ITGA2: variants seen among roughly 807,000 people sequenced by gnomAD.
ITGA2 encodes the protein integrin subunit alpha 2, also known as integrin alpha-2.
Under a neutral mutation model 146.3 loss-of-function variants are expected in ITGA2, and 101 were observed. The observed-to-expected ratio is 0.69, with a 90% CI of 0.59 to 0.81. ITGA2 has a LOEUF of 0.81. ITGA2 is among the 40% of genes least tolerant of loss of function. The pLI, the probability that ITGA2 is intolerant of heterozygous loss-of-function variation, is 0.00. For synonymous variants in ITGA2, 477 were observed against 487.1 expected (o/e 0.98, Z 0.27); for missense variants, 1,281 against 1,402.7 (o/e 0.91, Z 1.39).
At chr5:53,075,182 A>G (rs1745603482) in intron 22 of ITGA2, 39 bp from the exon 23 acceptor site, 1 of 1,605,580 alleles carries the variant, frequency 6.2e-7, no homozygotes, top group Non-Finnish European at 8.5e-7. Flanking sequence ...ATAGCTTTGT[A>G]TTTCTCTTTA....
Position 53,062,084 on chromosome 5 carries a change from T to C in ITGA2, c.1459-702T>C, listed in dbSNP as rs146477933. ...TGTTGAATGGGATGAAGGTTCAAAG[T>C]CTCAGCTTTTCTTATTTTAATTTAT... On this transcript the variant is annotated intron_variant, in intron 12 of 29. Coordinates refer to ENST00000296585, the MANE Select transcript of ITGA2 (RefSeq NM_002203.4). Among the ~76,000 whole-genome samples, 647 of 151,792 alleles carry C rather than the reference T, an allele frequency of 4.3e-3. 7 individuals carry two copies. Among genetic ancestry groups the C allele is most frequent in the African/African-American group, 0.015 (626 of 41,434 alleles).
At position 53,075,227 on chromosome 5, in the gene ITGA2, C is replaced by T. The variant is rs1224248710; in HGVS notation, c.2748C>T (p.Ser916=). Residue 916 remains serine (S), a synonymous_variant, in exon 23 of 30, where the codon AGC becomes AGT. Transcript: ENST00000296585. The part of the protein sequence containing the change: ...ASLSFQALSE[S]QEENKADNLV... Reference sequence around the variant, plus strand: ...CTAATGTTTCTTTCTATAGTGAAAGCCAAGAAGAAAACAAGGCTGATAATT... The same window carrying T: ...CTAATGTTTCTTTCTATAGTGAAAGTCAAGAAGAAAACAAGGCTGATAATT... 6.2e-7 allele frequency: 1 copy of T among 1,612,298 alleles called. No homozygotes were observed. Among genetic ancestry groups the T allele is most frequent in the East Asian group, 2.2e-5 (1 of 44,724 alleles).
At chr5:53,008,016 A>T (rs569017571) in intron 1 of ITGA2, among the ~76,000 whole-genome samples, 70 of 152,302 alleles carry the variant, frequency 4.6e-4, no homozygotes, top group Non-Finnish European at 9.4e-4. Flanking sequence ...GGACAGAATT[A>T]TCTTCAAAAC....
intron 3 of ITGA2, among the ~76,000 whole-genome samples, chr5:53,044,046 G>A (rs939493201): frequency 6.6e-6 from 1 of 151,782 alleles, no homozygotes; most frequent in Non-Finnish European, 1.5e-5. Context: ...AGGCCGAGGT[G>A]GGTAGATAGC....
chr5:53,036,040 C>T (rs1348366614), intron 2 of ITGA2, among the ~76,000 whole-genome samples: 1 of 145,520 alleles, frequency 6.9e-6, no homozygotes, highest in African/African-American at 2.6e-5. Context: ...CTGTCTTTGA[C>T]TCGTATTCAT....
chr5:53,074,371 T>G lies in ITGA2; in HGVS notation c.2572-14T>G, dbSNP rs1242973249. On this transcript the variant is annotated splice_polypyrimidine_tract_variant and intron_variant, in intron 20 of 29. Transcript: ENST00000296585. ...ATGCCAATTGATCATTGTTGTTTCC[T>G]TGGTCTTGTTCAGGTTGATGGGACA... 6.2e-7 allele frequency: 1 copy of G among 1,608,720 alleles called. No individual in the cohort carries two copies. Among genetic ancestry groups the G allele is most frequent in the South Asian group, 1.1e-5 (1 of 90,948 alleles).
At chr5:53,002,102 G>A (rs113033262) in intron 1 of ITGA2, among the ~76,000 whole-genome samples, 2 of 151,818 alleles carry the variant, frequency 1.3e-5, no homozygotes, top group East Asian at 3.9e-4. Flanking sequence ...TATTGATGTG[G>A]CATTTTAACT....
In ITGA2 at chr5:53,008,282, T is replaced by C. The variant is rs1471180176; in HGVS notation, c.65-18466T>C. On this transcript the variant is annotated intron_variant, in intron 1 of 29. Coordinates refer to ENST00000296585, the MANE Select transcript of ITGA2 (RefSeq NM_002203.4). ...ACATCACCTTTCCCTATGTGGGTAC[T>C]GAGAGAGAAAGATCTCTGGTGTCTC... is the stretch of plus-strand genomic sequence containing the variant. Among the ~76,000 whole-genome samples, 4 of 150,192 alleles carry C rather than the reference T, an allele frequency of 2.7e-5. No individual in the cohort carries two copies. The East Asian group carries it at 7.8e-4, about 29-fold the overall frequency.
At position 52,997,285 on chromosome 5, in the gene ITGA2, CATT is replaced by C. The variant is rs368459074; in HGVS notation, c.64+7759_64+7761del. ...GCAATTCTGTCAGCAAAGATTCCTG[CATT>C]ATTATCTTGTTCTGAAAAGGTGACT... On this transcript the variant is annotated intron_variant, in intron 1 of 29. Coordinates refer to ENST00000296585, the MANE Select transcript of ITGA2 (RefSeq NM_002203.4). Among the ~76,000 whole-genome samples, 178 of 152,272 alleles carry C rather than the reference CATT, an allele frequency of 1.2e-3. 2 individuals carry two copies. In the South Asian group the frequency reaches 0.027, roughly 23 times the overall value.
chr5:53,061,384 G>A (rs1744900590), intron 12 of ITGA2, among the ~76,000 whole-genome samples: 1 of 151,804 alleles, frequency 6.6e-6, no homozygotes, highest in African/African-American at 2.4e-5. Flanking sequence ...AATAATGCAT[G>A]GATATTATTT....
chr5:53,089,418 C>T (rs890759525), intron 28 of ITGA2: 1 of 155,604 alleles, frequency 6.4e-6, no homozygotes, highest in Non-Finnish European at 1.4e-5. Flanking sequence ...TGAAGGACAA[C>T]GTTCCCACTG....
intron 1 of ITGA2, among the ~76,000 whole-genome samples, chr5:53,010,336 G>C (rs562455245): frequency 6.6e-6 from 1 of 152,162 alleles, no homozygotes; most frequent in Non-Finnish European, 1.5e-5. Context: ...ACAGAGGCTC[G>C]AACAACAGAG....
At chr5:53,052,974 G>T (rs1401088294) in intron 7 of ITGA2, among the ~76,000 whole-genome samples, 1 of 152,032 alleles carries the variant, frequency 6.6e-6, no homozygotes, top group Non-Finnish European at 1.5e-5. Context: ...TTTTTATTTG[G>T]AGTGTTGGCT....
At chr5:53,042,325 T>G in intron 3 of ITGA2, 104 bp downstream of exon 3, 1 of 811,660 alleles carries the variant, frequency 1.2e-6, no homozygotes, top group East Asian at 2.6e-5. Context: ...CAGACAGCTT[T>G]TTTTTGCCCT....
At chr5:53,089,875 G>C (rs1242379431) in intron 28 of ITGA2, 71 bp from the exon 29 acceptor site, 50 of 899,952 alleles carry the variant, frequency 5.6e-5, no homozygotes, top group Non-Finnish European at 3.8e-6. Flanking sequence ...CAGAATTAGA[G>C]AATTGGACTA....
At position 53,048,586 on chromosome 5, in the gene ITGA2, G is replaced by A; in HGVS notation, c.503-57G>A. On this transcript the variant is annotated intron_variant, in intron 5 of 29. Transcript: ENST00000296585. ...CCCTCCTTAAGTCTCATTTTTATATGGCTGTGAAATATGACTTACCTGTGG... is the reference window on the plus strand; with the variant it reads ...CCCTCCTTAAGTCTCATTTTTATATAGCTGTGAAATATGACTTACCTGTGG... The A allele has an allele frequency of 1.3e-5, 21 of 1,613,114 alleles. No individual in the cohort carries two copies. The South Asian group carries it at 2.3e-4, about 18-fold the overall frequency.
rs748727832 is a variant in ITGA2, at chr5:53,042,092, TA to T, written c.186-12del. The T allele has an allele frequency of 9.1e-5, 129 of 1,425,214 alleles. No homozygotes were observed. The highest frequency in any genetic ancestry group is 1.1e-4 in the Non-Finnish European group (113 of 1,007,900). The allele number at this position is 1,425,214 out of a possible 1,614,324, so 88.3% of individuals were successfully genotyped here. The stretch of plus-strand genomic sequence containing the variant: ...ACTATACTTAACACTTTGTGTCTAA[TA>T]AAAAAAATGTGTTTCTAGGTTACTG... On this transcript the variant is annotated intron_variant, in intron 2 of 29. Coordinates refer to ENST00000296585, the MANE Select transcript of ITGA2 (RefSeq NM_002203.4).
intron 1 of ITGA2, among the ~76,000 whole-genome samples, chr5:53,018,289 T>C (rs1026219498): frequency 9.9e-5 from 15 of 152,190 alleles, no homozygotes; most frequent in African/African-American, 2.9e-4. Flanking sequence ...CCCCACTGGC[T>C]GGAGTCTGCC....
chr5:53,072,673 G>A lies in ITGA2; in HGVS notation c.2407G>A (p.Val803Ile). ...GLCISDLVLD[V>I]RQIPAAQEQP... ...TTGCATTTCTGATCTAGTCCTAGAT[G>A]TCCGACAAATACCAGCTGCTCAGTA... The change falls in exon 19 of 30, where the codon GTC becomes ATC. Residue 803 changes from valine (V) to isoleucine (I), a missense_variant. Physicochemically the swap from Val to Ile is conservative, Grantham distance 29. This residue lies in a region of ITGA2 where 475 missense variants were observed against 530.5 expected (regional missense o/e 0.90). Coordinates refer to ENST00000296585, the MANE Select transcript of ITGA2 (RefSeq NM_002203.4). The A allele has an allele frequency of 1.2e-6, 2 of 1,610,002 alleles. No homozygotes were observed. The highest frequency in any genetic ancestry group is 2.2e-5 in the East Asian group (1 of 44,674).
Sources: allele counts gnomAD v4.1 joint callset (sites outside exome capture counted in the v4.1 genomes callset), GRCh38; gene constraint gnomAD v4.1.1; regional missense constraint gnomAD v4.1.1; transcripts MANE v1.5; gene names NCBI Gene and HGNC (gene_info 2026-07-23, HGNC 2026-07-21).